KAZN: variants seen among roughly 807,000 people sequenced by gnomAD.
KAZN encodes the protein kazrin.
A neutral mutation model predicts 87.4 loss-of-function variants in KAZN; 40 were observed. The observed-to-expected ratio is 0.46, with a 90% CI of 0.36 to 0.60. The LOEUF is 0.60. Ranked by LOEUF, KAZN falls within the 20% of genes least tolerant of loss-of-function variation. The pLI is 0.00. For missense variants in KAZN, 898 were observed against 1,073.9 expected, an observed-to-expected ratio of 0.84 and a Z score of 2.29; for synonymous variants, 466 against 458.3, an observed-to-expected ratio of 1.02 and a Z score of -0.22.
intron 2 of KAZN, among the ~76,000 whole-genome samples, chr1:14,481,203 G>A (rs1429836854): frequency 6.6e-6 from 1 of 151,950 alleles, no homozygotes; most frequent in African/African-American, 2.4e-5. Context: ...CATCTTCTTG[G>A]GCAATTTTCC....
intron 2 of KAZN, among the ~76,000 whole-genome samples, chr1:14,234,991 T>G (rs2100554995): frequency 6.6e-6 from 1 of 152,344 alleles, no homozygotes; most frequent in Admixed American, 6.5e-5. Flanking sequence ...CCTGAAAATG[T>G]TAAATAGCTA....
chr1:14,493,050 T>C (rs1157152391), intron 2 of KAZN, among the ~76,000 whole-genome samples: 1 of 152,066 alleles, frequency 6.6e-6, no homozygotes, highest in East Asian at 1.9e-4. Context: ...CCCCCACCTC[T>C]CTCAGGCCTG....
At chr1:15,109,254 G>T (rs540073797) in intron 13 of KAZN, among the ~76,000 whole-genome samples, 4 of 152,080 alleles carry the variant, frequency 2.6e-5, no homozygotes, top group African/African-American at 9.7e-5. Flanking sequence ...GTGTGGTGGC[G>T]TGCACCTGTA....
At chr1:14,604,016 T>A (rs540271421) in intron 1 of KAZN, among the ~76,000 whole-genome samples, 1 of 152,312 alleles carries the variant, frequency 6.6e-6, no homozygotes, top group African/African-American at 2.4e-5. Context: ...CACGAACTCC[T>A]CTGTTCTTTC....
intron 2 of KAZN, among the ~76,000 whole-genome samples, chr1:14,581,067 T>C (rs1216371328): frequency 6.6e-6 from 1 of 152,102 alleles, no homozygotes; most frequent in African/African-American, 2.4e-5. Flanking sequence ...CATCCACTCT[T>C]GGGCCTCTGG....
At chr1:14,630,959 A>G (rs1467069831) in intron 1 of KAZN, among the ~76,000 whole-genome samples, 2 of 152,244 alleles carry the variant, frequency 1.3e-5, no homozygotes, top group Non-Finnish European at 2.9e-5. Context: ...TGTTTAAAAC[A>G]TAATTTCATA....
chr1:14,039,867 T>C (rs531460451), intron 1 of KAZN, among the ~76,000 whole-genome samples: 3 of 152,356 alleles, frequency 2.0e-5, no homozygotes, highest in Non-Finnish European at 4.4e-5. Context: ...GTGTGCCTGT[T>C]TCCAATCAAT....
chr1:14,173,043 C>A (rs1645989640), intron 1 of KAZN, among the ~76,000 whole-genome samples: 1 of 152,154 alleles, frequency 6.6e-6, no homozygotes, highest in South Asian at 2.1e-4. Flanking sequence ...TCCCAGGGCA[C>A]CACTTCTGCC....
chr1:15,001,870 CTTTTTTTTTTTTTT>C (rs34948148), intron 2 of KAZN, among the ~76,000 whole-genome samples: 1 of 57,754 alleles, frequency 1.7e-5, no homozygotes, highest in Admixed American at 2.2e-4. Flanking sequence ...AAGTCAAAAT[CTTTTTTTTTTTTTT>C]TTTTTTTTTT....
intron 1 of KAZN, among the ~76,000 whole-genome samples, chr1:14,755,087 CAAA>C (rs3032756): frequency 3.5e-5 from 4 of 115,566 alleles, no homozygotes; most frequent in Admixed American, 9.4e-5. Context: ...ACTAAAAATG[CAAA>C]AAAAAAAAAA....
At chr1:14,278,800 G>A (rs567235747) in intron 2 of KAZN, among the ~76,000 whole-genome samples, 2 of 152,016 alleles carry the variant, frequency 1.3e-5, no homozygotes, top group Middle Eastern at 3.4e-3. Context: ...ATTCATTTAC[G>A]GTATAAATGT....
intron 2 of KAZN, among the ~76,000 whole-genome samples, chr1:14,377,050 T>A (rs1660967902): frequency 7.9e-6 from 1 of 126,854 alleles, no homozygotes; most frequent in South Asian, 2.9e-4. Context: ...TCCTGCATAA[T>A]AACTAAAGGA....
intron 1 of KAZN, among the ~76,000 whole-genome samples, chr1:14,032,632 G>A (rs1200930396): frequency 6.6e-6 from 1 of 152,156 alleles, no homozygotes; most frequent in Admixed American, 6.5e-5. Flanking sequence ...GCAGCTACCA[G>A]AGTGATTGTT....
intron 2 of KAZN, among the ~76,000 whole-genome samples, chr1:14,976,997 G>A (rs1041996644): frequency 1.3e-5 from 2 of 152,254 alleles, no homozygotes; most frequent in Admixed American, 1.3e-4. Flanking sequence ...AGAGGTTGCA[G>A]TGAGCCAAGA....
chr1:14,271,915 A>G (rs1651972529), intron 2 of KAZN, among the ~76,000 whole-genome samples: 1 of 152,228 alleles, frequency 6.6e-6, no homozygotes, highest in African/African-American at 2.4e-5. Context: ...TATAGCGTGA[A>G]GGCACATCCC....
At chr1:14,775,555 T>A (rs1277467072) in intron 1 of KAZN, among the ~76,000 whole-genome samples, 1 of 152,222 alleles carries the variant, frequency 6.6e-6, no homozygotes, top group Non-Finnish European at 1.5e-5. Flanking sequence ...CCTGGGCTCC[T>A]GACACAAGCT....
At chr1:14,586,136 C>T (rs936950906) in intron 2 of KAZN, among the ~76,000 whole-genome samples, 2 of 152,176 alleles carry the variant, frequency 1.3e-5, no homozygotes, top group African/African-American at 2.4e-5. Flanking sequence ...TTATTAATTT[C>T]TGGAAGACTC....
intron 6 of KAZN, chr1:15,063,229 A>G: frequency 3.5e-6 from 1 of 288,436 alleles, no homozygotes; most frequent in Non-Finnish European, 6.5e-6. Flanking sequence ...TATGAAAAGC[A>G]CCAAGTCTAA....
chr1:14,501,498 C>T (rs930759882), intron 2 of KAZN, among the ~76,000 whole-genome samples: 3 of 152,042 alleles, frequency 2.0e-5, no homozygotes, highest in Non-Finnish European at 2.9e-5. Context: ...TATACATTAG[C>T]GATGTACTAT....
Sources: gnomAD v4.1 joint callset for allele counts (sites outside exome capture counted in the v4.1 genomes callset) on GRCh38, gnomAD v4.1.1 for gene constraint, MANE v1.5 for transcripts, NCBI Gene and HGNC (gene_info 2026-07-23, HGNC 2026-07-21) for gene names.